KCNIP4: variants seen among roughly 807,000 people sequenced by gnomAD.
KCNIP4 encodes Kv channel-interacting protein 4.
KCNIP4 carries 12 observed loss-of-function variants against 34.0 expected under a neutral mutation model. That is an observed-to-expected ratio of 0.35 (90% CI 0.23 to 0.57). The LOEUF (loss-of-function observed/expected upper bound fraction) is 0.57, where lower values mean the gene tolerates loss of function less well. KCNIP4 is among the 20% of genes least tolerant of loss of function. The probability of loss-of-function intolerance (pLI) is 0.83; values close to 1 mark genes in which losing one functional copy is unlikely to be tolerated. For missense variants in KCNIP4, 238 were observed against 311.7 expected (o/e 0.76, Z 1.78); for synonymous variants, 124 against 102.2 (o/e 1.21, Z -1.29).
intron 1 of KCNIP4, among the ~76,000 whole-genome samples, chr4:21,256,418 T>TAAAAAAAAAA (rs35912916): frequency 3.3e-5 from 4 of 120,922 alleles, no homozygotes; most frequent in Admixed American, 2.6e-4. Flanking sequence ...CATCCCTGCT[T>TAAAAAAAAAA]AAAAAAAAAA....
At chr4:20,971,877 C>T (rs1734983534) in intron 1 of KCNIP4, among the ~76,000 whole-genome samples, 1 of 152,184 alleles carries the variant, frequency 6.6e-6, no homozygotes, top group South Asian at 2.1e-4. Context: ...AGACTCAATC[C>T]TCTCAAATCC....
At chr4:20,939,503 A>T (rs989099539) in intron 1 of KCNIP4, among the ~76,000 whole-genome samples, 3 of 151,994 alleles carry the variant, frequency 2.0e-5, no homozygotes, top group Non-Finnish European at 4.4e-5. Flanking sequence ...TCTCCTGAGT[A>T]TCTGGGATTA....
At chr4:21,852,640 G>A (rs1478761682) in intron 1 of KCNIP4, 2 of 152,136 alleles carry the variant, frequency 1.3e-5, no homozygotes, top group Non-Finnish European at 2.9e-5. Context: ...CCTATGGGGT[G>A]AGCCCACAGA....
chr4:20,998,522 G>C (rs910428725), intron 1 of KCNIP4, among the ~76,000 whole-genome samples: 20 of 152,186 alleles, frequency 1.3e-4, no homozygotes, highest in African/African-American at 4.6e-4. Context: ...AAGGCAACTA[G>C]ACTTTGCTTT....
intron 1 of KCNIP4, among the ~76,000 whole-genome samples, chr4:21,084,115 A>G (rs1746221385): frequency 6.6e-6 from 1 of 151,890 alleles, no homozygotes; most frequent in African/African-American, 2.4e-5. Flanking sequence ...TCAGGAAAGA[A>G]TAAAAGGTCA....
rs186690252 is a variant in KCNIP4, at chr4:21,627,381, T to C, written c.61+321190A>G. ...ATTTTTTCCCGATCTGTCTTTCCCATGCACACACCCATGCATGCTCACACA... is the reference window on the plus strand; with the variant it reads ...ATTTTTTCCCGATCTGTCTTTCCCACGCACACACCCATGCATGCTCACACA... On this transcript the variant is annotated intron_variant, in intron 1 of 8. Transcript: ENST00000382152. Among the ~76,000 whole-genome samples, 474 of 152,274 alleles carry C rather than the reference T, an allele frequency of 3.1e-3. 4 individuals are homozygous for C. Among genetic ancestry groups the C allele is most frequent in the African/African-American group, 0.011 (455 of 41,574 alleles).
In KCNIP4 at chr4:21,644,328, T is replaced by C. The variant is rs16871623; in HGVS notation, c.61+304243A>G. On this transcript the variant is annotated intron_variant, in intron 1 of 8. Transcript: ENST00000382152. ...CAATAAGGTAAGCTTACAGAACTCATGTCCAACCCAAGCTATAGAAGAGCC... is the reference window on the plus strand; with the variant it reads ...CAATAAGGTAAGCTTACAGAACTCACGTCCAACCCAAGCTATAGAAGAGCC... Among the ~76,000 whole-genome samples the C allele has an allele frequency of 7.9e-3, 1,210 of 152,220 alleles. 16 individuals carry two copies. The highest frequency in any genetic ancestry group is 0.027 in the African/African-American group (1,127 of 41,550).
chr4:21,634,940 A>G (rs1746025155), intron 1 of KCNIP4, among the ~76,000 whole-genome samples: 1 of 152,184 alleles, frequency 6.6e-6, no homozygotes, highest in East Asian at 1.9e-4. Flanking sequence ...AAAAATATAA[A>G]CAAAATCTTC....
chr4:20,787,018 C>T (rs1055608066), intron 3 of KCNIP4, among the ~76,000 whole-genome samples: 9 of 151,990 alleles, frequency 5.9e-5, no homozygotes, highest in Admixed American at 5.2e-4. Context: ...GTTTTTGAGG[C>T]GATTATTCTT....
chr4:21,628,969 C>T (rs192028427), intron 1 of KCNIP4, among the ~76,000 whole-genome samples: 3 of 152,182 alleles, frequency 2.0e-5, no homozygotes, highest in Non-Finnish European at 4.4e-5. Flanking sequence ...ATCTGAAGTA[C>T]AAAAGTATAT....
intron 3 of KCNIP4, among the ~76,000 whole-genome samples, chr4:20,847,800 C>A (rs1039585382): frequency 6.6e-6 from 1 of 152,110 alleles, no homozygotes; most frequent in East Asian, 1.9e-4. Flanking sequence ...CAAGTGTGAC[C>A]ATTTTAATAT....
chr4:21,528,724 A>G (rs1426687786), intron 1 of KCNIP4, among the ~76,000 whole-genome samples: 76 of 5,894 alleles, frequency 0.013, 2 homozygotes, highest in African/African-American at 0.018. Flanking sequence ...AGAAAGAAAG[A>G]AAGAAAGAAA....
chr4:21,512,951 G>A (rs1436064796), intron 1 of KCNIP4, among the ~76,000 whole-genome samples: 2 of 152,272 alleles, frequency 1.3e-5, no homozygotes, highest in East Asian at 3.9e-4. Context: ...TCCCATATGG[G>A]TGTCACAAGG....
chr4:21,261,806 C>T (rs550271745), intron 1 of KCNIP4, among the ~76,000 whole-genome samples: 1 of 152,222 alleles, frequency 6.6e-6, no homozygotes, highest in African/African-American at 2.4e-5. Context: ...TGTCACTTCT[C>T]CCCAGACTAT....
chr4:21,271,765 G>C (rs1560238489), intron 1 of KCNIP4, among the ~76,000 whole-genome samples: 1 of 152,124 alleles, frequency 6.6e-6, no homozygotes, highest in Non-Finnish European at 1.5e-5. Context: ...ACACACATAA[G>C]AAGGAAAAGG....
chr4:21,797,235 G>A (rs527654327), intron 1 of KCNIP4, among the ~76,000 whole-genome samples: 21 of 152,258 alleles, frequency 1.4e-4, no homozygotes, highest in African/African-American at 3.6e-4. Flanking sequence ...GCAGCTTCAC[G>A]CGTCTACGCA....
At chr4:21,015,170 T>G (rs991331058) in intron 1 of KCNIP4, among the ~76,000 whole-genome samples, 2 of 151,672 alleles carry the variant, frequency 1.3e-5, no homozygotes, top group Non-Finnish European at 2.9e-5. Flanking sequence ...AGAGCTTCAG[T>G]TTGAGATGAT....
intron 1 of KCNIP4, among the ~76,000 whole-genome samples, chr4:21,756,294 G>A (rs1171193851): frequency 5.3e-5 from 8 of 152,116 alleles, no homozygotes; most frequent in Non-Finnish European, 7.4e-5. Context: ...AGTGGCTTAC[G>A]CCTGTAATCC....
intron 2 of KCNIP4, among the ~76,000 whole-genome samples, chr4:20,857,781 G>A (rs574099983): frequency 1.3e-5 from 2 of 152,190 alleles, no homozygotes; most frequent in East Asian, 3.9e-4. Flanking sequence ...GTATTCATTA[G>A]ATCCATTTTC....
Sources: gnomAD v4.1 joint callset for allele counts (sites outside exome capture counted in the v4.1 genomes callset) on GRCh38, gnomAD v4.1.1 for gene constraint, MANE v1.5 for transcripts, NCBI Gene and HGNC (gene_info 2026-07-23, HGNC 2026-07-21) for gene names.